The following THSD7B variants were observed in gnomAD, a reference collection of about 807,000 sequenced individuals.
THSD7B encodes thrombospondin type 1 domain containing 7B, also known as thrombospondin type-1 domain-containing protein 7B.
THSD7B carries 138 observed loss-of-function variants against 213.6 expected under a neutral mutation model. The ratio of observed to expected loss-of-function variants is 0.65; its 90% CI spans 0.56 to 0.74. THSD7B has a LOEUF of 0.74. Among genes scored for constraint, THSD7B ranks in the 30% least tolerant of loss-of-function variants. THSD7B has a pLI of 0.00. For missense variants in THSD7B, 1,931 were observed against 1,991.5 expected (o/e 0.97, Z 0.58); for synonymous variants, 742 against 687.0 (o/e 1.08, Z -1.25).
intron 12 of THSD7B, among the ~76,000 whole-genome samples, chr2:137,309,818 C>T (rs58810397): frequency 0.056 from 8,550 of 152,118 alleles, 335 homozygotes; most frequent in East Asian, 0.11. Context: ...CATCCATGTC[C>T]CTACAAAGGA....
chr2:136,909,735 A>G (rs1684226384), intron 2 of THSD7B, among the ~76,000 whole-genome samples: 1 of 152,214 alleles, frequency 6.6e-6, no homozygotes, highest in Admixed American at 6.5e-5. Flanking sequence ...TGTCCTAAAC[A>G]ATGTTTGAAA....
intron 2 of THSD7B, among the ~76,000 whole-genome samples, chr2:137,055,671 A>G (rs1379127268): frequency 2.0e-5 from 3 of 152,198 alleles, no homozygotes; most frequent in Non-Finnish European, 4.4e-5. Context: ...TAATGTTGGA[A>G]ACTGTACCTG....
intron 1 of THSD7B, among the ~76,000 whole-genome samples, chr2:136,817,953 T>C (rs1237608906): frequency 2.0e-5 from 3 of 151,046 alleles, no homozygotes; most frequent in African/African-American, 7.3e-5. Context: ...TTGTTGGGAC[T>C]GTAAACTAGT....
chr2:137,509,228 T>C lies in THSD7B; in HGVS notation c.3139-53993T>C, dbSNP rs142193650. Among the ~76,000 whole-genome samples the C allele has an allele frequency of 1.2e-4, 19 of 152,162 alleles. No homozygotes were observed. The East Asian group carries it at 3.7e-3, about 29-fold the overall frequency. Reference sequence around the variant, plus strand: ...TAGCCTAAGGTCACCTTCCTGTCTTTTTTTCTTTTCTTTTCTTTTTCCTTC... The same window carrying C: ...TAGCCTAAGGTCACCTTCCTGTCTTCTTTTCTTTTCTTTTCTTTTTCCTTC... On this transcript the variant is annotated intron_variant, in intron 15 of 27. Coordinates refer to ENST00000409968, the MANE Select transcript of THSD7B (RefSeq NM_001316349.2).
intron 2 of THSD7B, among the ~76,000 whole-genome samples, chr2:136,936,045 T>A (rs953203189): frequency 4.0e-5 from 6 of 150,740 alleles, no homozygotes; most frequent in Admixed American, 4.0e-4. Context: ...CTCTCTCCTG[T>A]TTAACAGCTT....
intron 4 of THSD7B, among the ~76,000 whole-genome samples, chr2:137,114,604 A>G (rs1192549742): frequency 1.3e-5 from 2 of 152,254 alleles, no homozygotes; most frequent in African/African-American, 4.8e-5. Context: ...TATGTGAATG[A>G]CATGAAGTCA....
chr2:137,197,870 T>A (rs1043123967), intron 7 of THSD7B, among the ~76,000 whole-genome samples: 1 of 152,194 alleles, frequency 6.6e-6, no homozygotes, highest in Non-Finnish European at 1.5e-5. Flanking sequence ...TAGGACCATG[T>A]CTTCAGGTCA....
chr2:136,842,661 A>G (rs1682937644), intron 1 of THSD7B, among the ~76,000 whole-genome samples: 1 of 152,172 alleles, frequency 6.6e-6, no homozygotes, highest in South Asian at 2.1e-4. Flanking sequence ...TTTTTTGAAA[A>G]TAATAAAACA....
chr2:137,222,819 G>A (rs2375456), intron 7 of THSD7B, among the ~76,000 whole-genome samples: 90,725 of 151,918 alleles, frequency 0.6, 27,511 homozygotes, highest in South Asian at 0.71. Context: ...CCAAAGGACT[G>A]GAGTGTAGAG....
intron 17 of THSD7B, among the ~76,000 whole-genome samples, chr2:137,573,934 A>T (rs961248956): frequency 1.3e-5 from 2 of 152,102 alleles, no homozygotes; most frequent in Non-Finnish European, 2.9e-5. Context: ...TGCAATATTT[A>T]TTTGAAGAAG....
At position 137,107,643 on chromosome 2, in the gene THSD7B, G is replaced by A. The variant is rs541912137; in HGVS notation, c.1200-7481G>A. Among the ~76,000 whole-genome samples, 94 of 152,238 alleles carry A rather than the reference G, an allele frequency of 6.2e-4. 2 individuals carry two copies. The highest frequency in any genetic ancestry group is 1.7e-3 in the African/African-American group (72 of 41,546). ...GGAATTGTTTCAATAGAAGACTCTT[G>A]CTTTTTTATTGCATTTGTCTATTAC... On this transcript the variant is annotated intron_variant, in intron 4 of 27. Transcript: ENST00000409968.
Position 137,272,540 on chromosome 2 carries a change from C to A in THSD7B, c.2274C>A (p.Ala758=), listed in dbSNP as rs919026820. 3.3e-5 allele frequency: 53 copies of A among 1,603,430 alleles called. No homozygotes were observed. The Admixed American group carries it at 7.5e-4, about 23-fold the overall frequency. Residue 758 remains alanine, a synonymous_variant, in exon 11 of 28, where the codon GCC becomes GCA. Transcript: ENST00000409968. ...PCPRMCQAGN[A]TVKQSRYRII... ...CTTTTTCCTTTACTTCAGGAAATGC[C>A]ACAGTAAAACAGTCTCGATACAGAA...
intron 5 of THSD7B, among the ~76,000 whole-genome samples, chr2:137,136,148 G>C (rs551424743): frequency 1.3e-5 from 2 of 152,188 alleles, no homozygotes; most frequent in South Asian, 2.1e-4. Flanking sequence ...GGGCCTGCTG[G>C]GGGGTGAGGG....
At chr2:137,000,858 A>G (rs1406292413) in intron 2 of THSD7B, among the ~76,000 whole-genome samples, 2 of 152,058 alleles carry the variant, frequency 1.3e-5, no homozygotes, top group East Asian at 3.9e-4. Context: ...AGGAAACCTC[A>G]CCTACAAGCC....
At chr2:137,240,089 T>C (rs998467288) in intron 9 of THSD7B, among the ~76,000 whole-genome samples, 13 of 152,210 alleles carry the variant, frequency 8.5e-5, no homozygotes, top group African/African-American at 3.1e-4. Flanking sequence ...TTTCAACATA[T>C]AGATTTTGGG....
At chr2:137,045,930 T>C (rs1686959723) in intron 2 of THSD7B, among the ~76,000 whole-genome samples, 1 of 152,182 alleles carries the variant, frequency 6.6e-6, no homozygotes, top group South Asian at 2.1e-4. Flanking sequence ...TTGGGCACCA[T>C]TATTAGGTGC....
intron 2 of THSD7B, among the ~76,000 whole-genome samples, chr2:136,969,349 G>T (rs963144897): frequency 6.6e-6 from 1 of 152,054 alleles, no homozygotes; most frequent in African/African-American, 2.4e-5. Flanking sequence ...TGTATTTCTA[G>T]ATCTGACTCT....
At chr2:137,395,109 C>A (rs1344488914) in intron 12 of THSD7B, among the ~76,000 whole-genome samples, 7 of 142,812 alleles carry the variant, frequency 4.9e-5, no homozygotes, top group African/African-American at 1.8e-4. Context: ...CATCTGCAAA[C>A]AGGGACAATT....
chr2:137,661,802 G>A lies in THSD7B; in HGVS notation c.4459-1581G>A, dbSNP rs140309317. 2.4e-3 allele frequency among the ~76,000 whole-genome samples: 368 copies of A among 152,144 alleles called. 1 individual carries two copies. The highest frequency in any genetic ancestry group is 8.3e-3 in the African/African-American group (344 of 41,540). ...TCCCCCGATTCTTCCCTTAGGGTGC[G>A]CCATCCACATGCATAGTGGCCATCC... On this transcript the variant is annotated intron_variant, in intron 25 of 27. Coordinates refer to ENST00000409968, the MANE Select transcript of THSD7B (RefSeq NM_001316349.2).
Sources: allele counts gnomAD v4.1 joint callset (sites outside exome capture counted in the v4.1 genomes callset), GRCh38; gene constraint gnomAD v4.1.1; transcripts MANE v1.5; gene names NCBI Gene and HGNC (gene_info 2026-07-23, HGNC 2026-07-21).